Variants in KHDRBS3 observed in about 807,000 individuals in gnomAD.
The protein encoded by KHDRBS3 is KH domain-containing, RNA-binding, signal transduction-associated protein 3.
A neutral mutation model predicts 45.6 loss-of-function variants in KHDRBS3; 23 were observed. The ratio of observed to expected loss-of-function variants is 0.50; its 90% confidence interval spans 0.36 to 0.72. The LOEUF (loss-of-function observed/expected upper bound fraction) is 0.72, where lower values mean the gene tolerates loss of function less well. Among genes scored for constraint, KHDRBS3 ranks in the 30% least tolerant of loss-of-function variants. The pLI is 0.00. For synonymous variants in KHDRBS3, 162 were observed against 156.5 expected, an observed-to-expected ratio of 1.04 and a Z score of -0.26; for missense variants, 352 against 424.8, an observed-to-expected ratio of 0.83 and a Z score of 1.51.
At chr8:135,631,223 C>A (rs1263915539) in intron 7 of KHDRBS3, among the ~76,000 whole-genome samples, 1 of 141,586 alleles carries the variant, frequency 7.1e-6, no homozygotes, top group African/African-American at 2.7e-5. Context: ...TGCACTCCAG[C>A]CTGGGCAACA....
intron 4 of KHDRBS3, chr8:135,550,059 G>A (rs1254537563): frequency 2.0e-5 from 3 of 152,188 alleles, no homozygotes; most frequent in African/African-American, 7.2e-5. Context: ...TAATGGCAAA[G>A]AGTCAGATAT....
intron 2 of KHDRBS3, among the ~76,000 whole-genome samples, chr8:135,521,767 CAT>C (rs1824921684): frequency 6.6e-6 from 1 of 152,164 alleles, no homozygotes; most frequent in Non-Finnish European, 1.5e-5. Flanking sequence ...TGTTCATATA[CAT>C]GATTCTTGCA....
At chr8:135,643,967 A>G (rs926220187) in intron 7 of KHDRBS3, among the ~76,000 whole-genome samples, 2 of 152,210 alleles carry the variant, frequency 1.3e-5, no homozygotes, top group East Asian at 1.9e-4. Context: ...ATCATTTTCC[A>G]TTTTGATTAG....
At chr8:135,531,392 T>C (rs968027015) in intron 2 of KHDRBS3, among the ~76,000 whole-genome samples, 2 of 148,868 alleles carry the variant, frequency 1.3e-5, no homozygotes. Context: ...TAATAGTATT[T>C]ATAGCTTTAA....
At chr8:135,467,800 GTAAT>G (rs1370978691) in intron 1 of KHDRBS3, among the ~76,000 whole-genome samples, 2 of 152,288 alleles carry the variant, frequency 1.3e-5, no homozygotes, top group Admixed American at 6.5e-5. Context: ...CTTTCCTTTG[GTAAT>G]TAATTAATAC....
At chr8:135,591,109 G>A (rs1329503886) in intron 6 of KHDRBS3, among the ~76,000 whole-genome samples, 1 of 152,188 alleles carries the variant, frequency 6.6e-6, no homozygotes, top group Non-Finnish European at 1.5e-5. Flanking sequence ...GCTTGGTAGT[G>A]CCTACTTAAG....
intron 1 of KHDRBS3, among the ~76,000 whole-genome samples, chr8:135,490,810 A>G (rs1221439451): frequency 6.6e-6 from 1 of 152,188 alleles, no homozygotes; most frequent in Non-Finnish European, 1.5e-5. Context: ...TTGAATGTGG[A>G]GTCAGTGGGC....
At chr8:135,570,599 T>C (rs1050621697) in intron 5 of KHDRBS3, among the ~76,000 whole-genome samples, 1 of 152,174 alleles carries the variant, frequency 6.6e-6, no homozygotes, top group Non-Finnish European at 1.5e-5. Context: ...AACACTCCAT[T>C]GGGATGTTAT....
chr8:135,605,927 G>T (rs942989420), intron 6 of KHDRBS3, among the ~76,000 whole-genome samples: 1 of 151,828 alleles, frequency 6.6e-6, no homozygotes, highest in Non-Finnish European at 1.5e-5. Context: ...TGTTGTTGTT[G>T]TTTAAAACTG....
chr8:135,580,425 T>G (rs1422831867), intron 5 of KHDRBS3, among the ~76,000 whole-genome samples: 2 of 152,222 alleles, frequency 1.3e-5, no homozygotes, highest in Non-Finnish European at 2.9e-5. Flanking sequence ...ATTTATTTAA[T>G]AGACATAAGC....
chr8:135,609,591 G>A (rs1829626233), intron 7 of KHDRBS3, among the ~76,000 whole-genome samples: 1 of 148,824 alleles, frequency 6.7e-6, no homozygotes, highest in African/African-American at 2.6e-5. Context: ...CACCACACCG[G>A]GCCTACCTTT....
Position 135,580,812 on chromosome 8 carries a change from C to T in KHDRBS3, c.612-1066C>T, listed in dbSNP as rs562817713. ...ATTTTTAGTAGAGATGGAGTTTTGC[C>T]ATGTTGACCAGGCTGGTCTTGAACT... is the stretch of plus-strand genomic sequence containing the variant. On this transcript the variant is annotated intron_variant, in intron 5 of 8. Transcript: ENST00000355849. Among the ~76,000 whole-genome samples, 99 of 152,152 alleles carry T rather than the reference C, an allele frequency of 6.5e-4. No homozygotes were observed. In the South Asian group the frequency reaches 0.02, roughly 30 times the overall value.
rs141874778 is a variant in KHDRBS3, at chr8:135,645,080, C to T, written c.912C>T (p.Tyr304=). The change falls in exon 8 of 9, where the codon TAC becomes TAT. Residue 304 remains tyrosine, a synonymous_variant. Coordinates refer to ENST00000355849, the MANE Select transcript of KHDRBS3 (RefSeq NM_006558.3). ...PAQSGADYYD[Y]GHGLSEETYD... ...GCAGTGGTGCTGATTACTATGATTA[C>T]GGACATGGACTCAGTGAGGAGACTT... 26 of 1,613,292 alleles carry T rather than the reference C, an allele frequency of 1.6e-5. No homozygotes were observed. The highest frequency in any genetic ancestry group is 4.0e-5 in the African/African-American group (3 of 74,852).
chr8:135,632,691 C>G (rs1830654834), intron 7 of KHDRBS3, among the ~76,000 whole-genome samples: 1 of 151,988 alleles, frequency 6.6e-6, no homozygotes, highest in Admixed American at 6.6e-5. Flanking sequence ...AAAAATTTCC[C>G]ATTTCACTCA....
intron 7 of KHDRBS3, among the ~76,000 whole-genome samples, chr8:135,638,405 G>C (rs1386929675): frequency 6.6e-6 from 1 of 152,164 alleles, no homozygotes; most frequent in African/African-American, 2.4e-5. Flanking sequence ...ACCAGAAGAA[G>C]CCTGTTTTAA....
intron 7 of KHDRBS3, among the ~76,000 whole-genome samples, chr8:135,640,495 T>A (rs1831015263): frequency 6.6e-6 from 1 of 152,182 alleles, no homozygotes; most frequent in African/African-American, 2.4e-5. Flanking sequence ...GTCTCAGTGC[T>A]ATGATTTGTT....
chr8:135,514,847 G>A (rs1389393954), intron 1 of KHDRBS3, among the ~76,000 whole-genome samples: 1 of 152,150 alleles, frequency 6.6e-6, no homozygotes, highest in Non-Finnish European at 1.5e-5. Context: ...GCAGGCGGCA[G>A]ATCATATATT....
intron 6 of KHDRBS3, among the ~76,000 whole-genome samples, chr8:135,600,700 A>G (rs1443176719): frequency 1.3e-5 from 2 of 152,172 alleles, no homozygotes; most frequent in Admixed American, 1.3e-4. Flanking sequence ...TTATATATGT[A>G]TTTGAGATAA....
At chr8:135,645,384 CAG>C in intron 8 of KHDRBS3, among the ~76,000 whole-genome samples, 1 of 152,166 alleles carries the variant, frequency 6.6e-6, no homozygotes, top group East Asian at 1.9e-4. Flanking sequence ...GATTTTCTCA[CAG>C]AGTAGTTTTT....
Sources: gnomAD v4.1 joint callset for allele counts (sites outside exome capture counted in the v4.1 genomes callset) on GRCh38, gnomAD v4.1.1 for gene constraint, MANE v1.5 for transcripts, NCBI Gene and HGNC (gene_info 2026-07-23, HGNC 2026-07-21) for gene names.